CFAP251: variants seen among roughly 807,000 people sequenced by gnomAD.
CFAP251 encodes the protein cilia- and flagella-associated protein 251.
A neutral mutation model predicts 126.7 loss-of-function variants in CFAP251; 93 were observed. The ratio of observed to expected loss-of-function variants is 0.73; its 90% CI spans 0.62 to 0.87. The LOEUF is 0.87. Among genes scored for constraint, CFAP251 ranks in the 40% least tolerant of loss-of-function variants. The pLI is 0.00. For synonymous variants in CFAP251, 503 were observed against 506.9 expected, an observed-to-expected ratio of 0.99 and a Z score of 0.10; for missense variants, 1,287 against 1,389.2, an observed-to-expected ratio of 0.93 and a Z score of 1.17.
intron 5 of CFAP251, among the ~76,000 whole-genome samples, chr12:121,942,321 TC>T: frequency 6.6e-6 from 1 of 152,282 alleles, no homozygotes; most frequent in Non-Finnish European, 1.5e-5. Flanking sequence ...GTGCCTGGCT[TC>T]TTTCACTCAG....
At chr12:121,963,341 G>A (rs1565915187) in intron 15 of CFAP251, among the ~76,000 whole-genome samples, 1 of 152,108 alleles carries the variant, frequency 6.6e-6, no homozygotes, top group South Asian at 2.1e-4. Flanking sequence ...GGGAAAGATA[G>A]CTTTGAGATA....
Position 121,954,175 on chromosome 12 carries a change from C to T in CFAP251, c.1376C>T (p.Thr459Ile), listed in dbSNP as rs775727675. The T allele has an allele frequency of 6.2e-7, 1 of 1,614,146 alleles. No individual in the cohort carries two copies. Among genetic ancestry groups the T allele is most frequent in the African/African-American group, 1.3e-5 (1 of 75,032 alleles). The stretch of plus-strand genomic sequence containing the variant: ...CAGTCCATCTTTCACTTGAATTTAA[C>T]ACAAATACTCTCAGCCACAATGGAA... ...FSQSIFHLNL[T>I]QILSATMEGK... Residue 459 changes from threonine to isoleucine, a missense_variant, in exon 10 of 22, where the codon ACA (threonine) becomes ATA (isoleucine). Transcript: ENST00000288912.
chr12:121,944,363 A>G (rs2135766424), intron 7 of CFAP251, among the ~76,000 whole-genome samples: 1 of 152,282 alleles, frequency 6.6e-6, no homozygotes, highest in South Asian at 2.1e-4. Flanking sequence ...TTGTGTTAAC[A>G]CAGTAGCCAC....
At chr12:121,943,426 T>C (rs1050206206) in intron 7 of CFAP251, among the ~76,000 whole-genome samples, 1 of 152,228 alleles carries the variant, frequency 6.6e-6, no homozygotes, top group South Asian at 2.1e-4. Context: ...GTTTTTGTTT[T>C]TGTTTTGAGA....
At chr12:121,997,333 C>T (rs1465791174) in intron 19 of CFAP251, 1 of 150,118 alleles carries the variant, frequency 6.7e-6, no homozygotes, top group Non-Finnish European at 1.5e-5. Flanking sequence ...TCAAGCAGTT[C>T]TCCTGTCCCA....
chr12:121,954,320 T>C lies in CFAP251; in HGVS notation c.1521T>C (p.Leu507=). The change falls in exon 10 of 22, where the codon CTT becomes CTC. Residue 507 remains leucine, a synonymous_variant. Coordinates refer to ENST00000288912, the MANE Select transcript of CFAP251 (RefSeq NM_144668.6). ...VHLQKEGITV[L]TTIDSYIVTG... ...TGCAGAAAGAGGGTATCACGGTACTTACCACAATTGATAGGTAATTTTAAC... is the reference window on the plus strand; with the variant it reads ...TGCAGAAAGAGGGTATCACGGTACTCACCACAATTGATAGGTAATTTTAAC... 1.2e-6 allele frequency: 2 copies of C among 1,610,964 alleles called. No individual in the cohort carries two copies. The highest frequency in any genetic ancestry group is 1.7e-6 in the Non-Finnish European group (2 of 1,178,612).
chr12:121,940,408 A>G (rs1454063114), intron 5 of CFAP251, among the ~76,000 whole-genome samples: 1 of 152,188 alleles, frequency 6.6e-6, no homozygotes, highest in African/African-American at 2.4e-5. Flanking sequence ...AAGTTTCTCC[A>G]GTGACAGAGA....
At chr12:121,919,577 C>T (rs1400876368) in intron 1 of CFAP251, among the ~76,000 whole-genome samples, 2 of 151,996 alleles carry the variant, frequency 1.3e-5, no homozygotes, top group Non-Finnish European at 2.9e-5. Context: ...TTCATTTTGC[C>T]CATGAGAAAA....
intron 3 of CFAP251, among the ~76,000 whole-genome samples, chr12:121,926,021 A>AT (rs35760212): frequency 2.1e-3 from 205 of 97,478 alleles, no homozygotes; most frequent in African/African-American, 6.5e-3. Flanking sequence ...ATTTTTTGTA[A>AT]TTTTTTTTTT....
chr12:121,921,444 T>G lies in CFAP251; in HGVS notation c.139T>G (p.Trp47Gly), dbSNP rs925684924. The change falls in exon 2 of 22, where the codon TGG (tryptophan) becomes GGG (glycine). Residue 47 changes from tryptophan (W) to glycine (G), a missense_variant. By Grantham distance (184) the Trp-to-Gly change is radical. Coordinates refer to ENST00000288912, the MANE Select transcript of CFAP251 (RefSeq NM_144668.6). ...GGAATCAAAAGATGACACAATAGCA[T>G]GGAGAGAGTCTCAGGAGGAGGAGAG... ...QQESKDDTIAWRESQEEERKT... is the reference protein window; with the variant it reads ...QQESKDDTIAGRESQEEERKT... 1 of 1,611,440 alleles carries G rather than the reference T, an allele frequency of 6.2e-7. No homozygotes were observed. The highest frequency in any genetic ancestry group is 1.1e-5 in the South Asian group (1 of 90,952).
chr12:121,980,121 C>T (rs754095912), intron 19 of CFAP251, among the ~76,000 whole-genome samples: 1 of 152,216 alleles, frequency 6.6e-6, no homozygotes, highest in Non-Finnish European at 1.5e-5. Flanking sequence ...GAGCTGCAGA[C>T]ATTGTCACTG....
At chr12:121,936,847 T>A (rs1880913884) in intron 5 of CFAP251, among the ~76,000 whole-genome samples, 1 of 151,836 alleles carries the variant, frequency 6.6e-6, no homozygotes, top group Non-Finnish European at 1.5e-5. Context: ...ATGTGACTGG[T>A]GGTGGCTTGC....
chr12:121,969,137 C>T (rs1592994349), intron 17 of CFAP251: 2 of 985,450 alleles, frequency 2.0e-6, no homozygotes, highest in Non-Finnish European at 2.4e-6. Context: ...AAACCTGATT[C>T]CTGGCTGCCA....
chr12:121,986,058 C>T (rs1193807261), intron 19 of CFAP251, among the ~76,000 whole-genome samples: 1 of 152,124 alleles, frequency 6.6e-6, no homozygotes, highest in African/African-American at 2.4e-5. Flanking sequence ...ATGGCGTGAT[C>T]TCGGCTCACT....
chr12:121,922,352 C>T (rs1422969062), intron 2 of CFAP251, among the ~76,000 whole-genome samples: 1 of 151,530 alleles, frequency 6.6e-6, no homozygotes, highest in Non-Finnish European at 1.5e-5. Flanking sequence ...TCAGGTGATC[C>T]ACCAGCTTTG....
In CFAP251 at chr12:121,968,009, G is replaced by A; in HGVS notation, c.2611G>A (p.Gly871Arg). Residue 871 changes from glycine to arginine, a missense_variant, in exon 17 of 22, where the codon GGA becomes AGA. Physicochemically the swap from Gly to Arg is moderately radical, Grantham distance 125. Transcript: ENST00000288912. The stretch of plus-strand genomic sequence containing the variant: ...CCAATTATGTGTTCCTTTCTAGGTG[G>A]GACTTCAGATCTTACCAGTTGACGG... ...YLVFINRDKV[G>R]LQILPVDGNP... 1 of 1,596,528 alleles carries A rather than the reference G, an allele frequency of 6.3e-7. No individual in the cohort carries two copies.
At chr12:121,930,628 A>T (rs894481893) in intron 3 of CFAP251, among the ~76,000 whole-genome samples, 1 of 152,202 alleles carries the variant, frequency 6.6e-6, no homozygotes, top group African/African-American at 2.4e-5. Flanking sequence ...TTTTGGGTTT[A>T]TTCCAGGCAA....
chr12:121,993,735 C>T (rs1159250200), intron 19 of CFAP251, among the ~76,000 whole-genome samples: 2 of 151,160 alleles, frequency 1.3e-5, no homozygotes, highest in Non-Finnish European at 3.0e-5. Context: ...GCCTGGCAAC[C>T]ACCCCGTCTG....
At chr12:121,919,545 C>A (rs538403901) in intron 1 of CFAP251, among the ~76,000 whole-genome samples, 1 of 152,126 alleles carries the variant, frequency 6.6e-6, no homozygotes, top group East Asian at 1.9e-4. Flanking sequence ...CTACAACAAC[C>A]CTAGAATTTA....
Sources: gnomAD v4.1 joint callset for allele counts (sites outside exome capture counted in the v4.1 genomes callset) on GRCh38, gnomAD v4.1.1 for gene constraint, MANE v1.5 for transcripts, NCBI Gene and HGNC (gene_info 2026-07-23, HGNC 2026-07-21) for gene names.